The following CTNNA3 variants were observed in gnomAD, a reference collection of about 807,000 sequenced individuals.
CTNNA3 encodes catenin alpha 3.
Under a neutral mutation model 95.7 loss-of-function variants are expected in CTNNA3, and 76 were observed. The ratio of observed to expected loss-of-function variants is 0.79; its 90% CI spans 0.66 to 0.96. CTNNA3 has a LOEUF of 0.96. Among genes scored for constraint, CTNNA3 ranks in the 40% least tolerant of loss-of-function variants. The probability of loss-of-function intolerance (pLI) is 0.00; values close to 1 mark genes in which losing one functional copy is unlikely to be tolerated. For missense variants in CTNNA3, 1,191 were observed against 1,089.8 expected, an observed-to-expected ratio of 1.09 and a Z score of -1.31; for synonymous variants, 431 against 374.4, an observed-to-expected ratio of 1.15 and a Z score of -1.74.
chr10:66,854,583 C>G (rs1291880167), intron 7 of CTNNA3, among the ~76,000 whole-genome samples: 1 of 151,678 alleles, frequency 6.6e-6, no homozygotes, highest in Non-Finnish European at 1.5e-5. Context: ...CTGGGAAGAT[C>G]CAGGAGGAAT....
intron 17 of CTNNA3, among the ~76,000 whole-genome samples, chr10:65,923,349 T>C (rs1447004238): frequency 1.3e-5 from 2 of 152,224 alleles, no homozygotes; most frequent in African/African-American, 2.4e-5. Context: ...AATGCTTAAA[T>C]ATATTTTCTG....
At chr10:66,714,896 G>A (rs1848405300) in intron 9 of CTNNA3, among the ~76,000 whole-genome samples, 1 of 152,064 alleles carries the variant, frequency 6.6e-6, no homozygotes, top group South Asian at 2.1e-4. Flanking sequence ...CCAAGTTCTT[G>A]GGAAGACGTG....
At chr10:66,421,639 C>T (rs1245066217) in intron 11 of CTNNA3, among the ~76,000 whole-genome samples, 1 of 151,382 alleles carries the variant, frequency 6.6e-6, no homozygotes, top group East Asian at 1.9e-4. Flanking sequence ...TCGAGACCAT[C>T]CTGGCCAAAA....
intron 12 of CTNNA3, among the ~76,000 whole-genome samples, chr10:66,345,984 G>GT (rs923887054): frequency 2.0e-5 from 3 of 148,112 alleles, no homozygotes; most frequent in African/African-American, 7.5e-5. Context: ...GGCCGAGACA[G>GT]GAGAATTGCT....
At chr10:66,421,902 A>ATATATATATATATATATATATATATATG (rs2093198352) in intron 11 of CTNNA3, among the ~76,000 whole-genome samples, 3 of 124,532 alleles carry the variant, frequency 2.4e-5, no homozygotes, top group Admixed American at 1.6e-4. Flanking sequence ...AATGTGATAT[A>ATATATATATATATATATATATATATATG]TATATATATA....
intron 7 of CTNNA3, among the ~76,000 whole-genome samples, chr10:66,828,979 T>G (rs1273952868): frequency 6.6e-6 from 1 of 152,238 alleles, no homozygotes; most frequent in African/African-American, 2.4e-5. Context: ...ACAACCCACA[T>G]GACAGCCAGG....
At chr10:67,467,755 G>C (rs1038950235) in intron 5 of CTNNA3, among the ~76,000 whole-genome samples, 1 of 151,668 alleles carries the variant, frequency 6.6e-6, no homozygotes, top group Non-Finnish European at 1.5e-5. Context: ...CTGTCACTTA[G>C]GCTGGAGCAC....
At chr10:66,850,467 T>C (rs1843445487) in intron 7 of CTNNA3, among the ~76,000 whole-genome samples, 2 of 152,172 alleles carry the variant, frequency 1.3e-5, no homozygotes, top group African/African-American at 2.4e-5. Context: ...AACCCTTTTA[T>C]AGGGCAAAAA....
chr10:67,648,111 G>A (rs1224853518), intron 1 of CTNNA3, among the ~76,000 whole-genome samples: 1 of 152,060 alleles, frequency 6.6e-6, no homozygotes, highest in Non-Finnish European at 1.5e-5. Context: ...AGAAGCCCCT[G>A]AGAAGGCATT....
intron 13 of CTNNA3, among the ~76,000 whole-genome samples, chr10:66,160,444 C>T (rs1292358701): frequency 2.0e-5 from 3 of 151,954 alleles, no homozygotes; most frequent in African/African-American, 7.2e-5. Flanking sequence ...TGACCCAATG[C>T]TGATTCAGGA....
At position 65,971,244 on chromosome 10, in the gene CTNNA3, C is replaced by T. The variant is rs142684480; in HGVS notation, c.2266-4498G>A. 2.2e-3 allele frequency among the ~76,000 whole-genome samples: 327 copies of T among 151,708 alleles called. 1 individual carries two copies. The highest frequency in any genetic ancestry group is 7.6e-3 in the African/African-American group (314 of 41,456). ...CTCAAATTAATGATTTCACATCATG[C>T]CTAGAGGAGCAAGAAAAACAAGAAT... On this transcript the variant is annotated intron_variant, in intron 16 of 17. Coordinates refer to ENST00000433211, the MANE Select transcript of CTNNA3 (RefSeq NM_013266.4).
chr10:66,556,642 T>G (rs1015486), intron 10 of CTNNA3, among the ~76,000 whole-genome samples: 1 of 151,998 alleles, frequency 6.6e-6, no homozygotes, highest in African/African-American at 2.4e-5. Context: ...AAATACTGCA[T>G]GATCCACTTA....
chr10:67,239,009 A>G (rs898750882), intron 5 of CTNNA3, among the ~76,000 whole-genome samples: 2 of 152,336 alleles, frequency 1.3e-5, no homozygotes, highest in Admixed American at 1.3e-4. Flanking sequence ...TCCAAGAAAT[A>G]AAACATGGGG....
intron 12 of CTNNA3, among the ~76,000 whole-genome samples, chr10:66,359,182 T>G (rs2132417244): frequency 6.6e-6 from 1 of 152,288 alleles, no homozygotes; most frequent in Middle Eastern, 3.4e-3. Context: ...ATCCAGACAC[T>G]TATATGATGA....
At chr10:67,052,313 A>ACTCTCTCTCTCTCTCTCTCT (rs3841706) in intron 7 of CTNNA3, among the ~76,000 whole-genome samples, 5 of 121,120 alleles carry the variant, frequency 4.1e-5, no homozygotes, top group South Asian at 6.3e-4. Context: ...CCCACTCATC[A>ACTCTCTCTCTCTCTCTCTCT]CTCTCTCTCT....
At chr10:67,022,754 A>C (rs1327507557) in intron 7 of CTNNA3, among the ~76,000 whole-genome samples, 3 of 151,940 alleles carry the variant, frequency 2.0e-5, no homozygotes, top group Admixed American at 6.6e-5. Flanking sequence ...TGACTAACAC[A>C]GTGAAACCCT....
chr10:65,938,180 G>A (rs1441995067), intron 17 of CTNNA3, among the ~76,000 whole-genome samples: 4 of 152,168 alleles, frequency 2.6e-5, no homozygotes, highest in Non-Finnish European at 5.9e-5. Flanking sequence ...ATTGCCCTCA[G>A]AATTAGGTAG....
chr10:66,228,573 T>C (rs993411273), intron 13 of CTNNA3, among the ~76,000 whole-genome samples: 1 of 152,132 alleles, frequency 6.6e-6, no homozygotes, highest in African/African-American at 2.4e-5. Flanking sequence ...GGATTTGTTT[T>C]GTGACCTAAC....
intron 7 of CTNNA3, among the ~76,000 whole-genome samples, chr10:67,000,582 A>G (rs895039992): frequency 2.0e-5 from 3 of 152,154 alleles, no homozygotes; most frequent in African/African-American, 7.2e-5. Flanking sequence ...CTGTATCTAT[A>G]AAGAAACCAT....
Sources: allele counts gnomAD v4.1 joint callset (sites outside exome capture counted in the v4.1 genomes callset), GRCh38; gene constraint gnomAD v4.1.1; transcripts MANE v1.5; gene names NCBI Gene and HGNC (gene_info 2026-07-23, HGNC 2026-07-21).